SLC25A26: variants seen among roughly 807,000 people sequenced by gnomAD.
SLC25A26 encodes the protein mitochondrial S-adenosylmethionine carrier protein.
A neutral mutation model predicts 37.8 loss-of-function variants in SLC25A26; 36 were observed. The observed-to-expected ratio is 0.95, with a 90% CI of 0.73 to 1.26. The LOEUF is 1.26. Ranked by LOEUF, SLC25A26 falls within the 50% of genes most tolerant of loss-of-function variation. The pLI is 0.00. For synonymous variants in SLC25A26, 129 were observed against 122.5 expected (o/e 1.05, Z -0.35); for missense variants, 390 against 331.1 (o/e 1.18, Z -1.38).
chr3:66,323,796 A>T (rs2075761711), intron 5 of SLC25A26: 2 of 152,180 alleles, frequency 1.3e-5, no homozygotes, highest in African/African-American at 4.8e-5. Context: ...CTGAGTGACA[A>T]ACTGAGGCCC....
intron 1 of SLC25A26, among the ~76,000 whole-genome samples, chr3:66,162,469 T>A (rs146506459): frequency 6.6e-6 from 1 of 151,294 alleles, no homozygotes; most frequent in Non-Finnish European, 1.5e-5. Flanking sequence ...AAAGCACCCA[T>A]GTATCAAGGC....
At chr3:66,167,678 A>G (rs189528825) in intron 1 of SLC25A26, among the ~76,000 whole-genome samples, 1 of 152,342 alleles carries the variant, frequency 6.6e-6, no homozygotes, top group African/African-American at 2.4e-5. Flanking sequence ...CATGTCTCTA[A>G]GTGCTTAATA....
intron 1 of SLC25A26, among the ~76,000 whole-genome samples, chr3:66,150,456 C>G (rs1360711017): frequency 6.9e-6 from 1 of 145,410 alleles, no homozygotes; most frequent in Non-Finnish European, 1.5e-5. Context: ...TGAGATTACC[C>G]CAGTGCACTC....
At chr3:66,244,000 A>G (rs985187806) in intron 3 of SLC25A26, among the ~76,000 whole-genome samples, 1 of 152,024 alleles carries the variant, frequency 6.6e-6, no homozygotes, top group Non-Finnish European at 1.5e-5. Context: ...TTCTTCCCCA[A>G]CTTCACATCC....
chr3:66,263,772 C>T (rs933026286), intron 5 of SLC25A26, among the ~76,000 whole-genome samples: 6 of 152,140 alleles, frequency 3.9e-5, no homozygotes, highest in Middle Eastern at 3.2e-3. Flanking sequence ...CATTCTCCTG[C>T]GTCAGCCTCC....
In SLC25A26 at chr3:66,312,550, A is replaced by G. The variant is rs574097852; in HGVS notation, c.454-33814A>G. Among the ~76,000 whole-genome samples, 5 of 150,870 alleles carry G rather than the reference A, an allele frequency of 3.3e-5. No individual in the cohort carries two copies. In the East Asian group the frequency reaches 9.8e-4, roughly 29 times the overall value. ...GGTACGAAGAAAAAAAAGAAACAAC[A>G]GAAAAAAAAAAACTCCTGCACCTAG... is the stretch of plus-strand genomic sequence containing the variant. On this transcript the variant is annotated intron_variant, in intron 5 of 9. Transcript: ENST00000354883.
At chr3:66,139,387 G>A (rs1022004940) in intron 1 of SLC25A26, among the ~76,000 whole-genome samples, 3 of 152,224 alleles carry the variant, frequency 2.0e-5, no homozygotes, top group South Asian at 2.1e-4. Flanking sequence ...AGAAAACAAT[G>A]CCTCCAATAA....
chr3:66,271,100 C>A (rs903999892), intron 5 of SLC25A26, among the ~76,000 whole-genome samples: 3 of 152,114 alleles, frequency 2.0e-5, no homozygotes, highest in African/African-American at 7.2e-5. Context: ...TCTGTTAATT[C>A]TTTATTTAAA....
chr3:66,137,967 G>A (rs1357615834), intron 1 of SLC25A26, among the ~76,000 whole-genome samples: 13 of 152,092 alleles, frequency 8.5e-5, no homozygotes, highest in Admixed American at 7.9e-4. Flanking sequence ...CAGAGCAGCT[G>A]GGATTACAGG....
At chr3:66,239,840 T>A (rs544154268) in intron 2 of SLC25A26, among the ~76,000 whole-genome samples, 113 of 138,350 alleles carry the variant, frequency 8.2e-4, no homozygotes, top group South Asian at 3.0e-3. Context: ...TTTTTTTTTT[T>A]AACAGTGGAT....
chr3:66,265,290 G>A (rs559784038), intron 5 of SLC25A26, among the ~76,000 whole-genome samples: 1 of 152,230 alleles, frequency 6.6e-6, no homozygotes, highest in South Asian at 2.1e-4. Context: ...CTGGGTGACA[G>A]AGAGACCCTG....
chr3:66,137,978 C>T (rs1011565505), intron 1 of SLC25A26, among the ~76,000 whole-genome samples: 32 of 152,160 alleles, frequency 2.1e-4, no homozygotes, highest in Admixed American at 7.9e-4. Context: ...GGATTACAGG[C>T]GTGCATTACC....
At chr3:66,165,779 T>C (rs2070416924) in intron 1 of SLC25A26, among the ~76,000 whole-genome samples, 1 of 151,976 alleles carries the variant, frequency 6.6e-6, no homozygotes. Context: ...CCCCCATCAA[T>C]CTTGAAAAAC....
rs555706762 is a variant in SLC25A26 at position 66,286,669 on chromosome 3, C to T, written c.453+23290C>T. Among the ~76,000 whole-genome samples the T allele has an allele frequency of 4.6e-5, 7 of 152,130 alleles. No homozygotes were observed. The South Asian group carries it at 1.0e-3, about 23-fold the overall frequency. On this transcript the variant is annotated intron_variant, in intron 5 of 9. Transcript: ENST00000354883. ...TTTGATTTTCTGAGACCTTTCCCTT[C>T]GTTTTTTAATTTAATTTTCTTTTTC...
intron 7 of SLC25A26, among the ~76,000 whole-genome samples, chr3:66,365,951 C>A (rs1263724249): frequency 6.6e-6 from 1 of 152,156 alleles, no homozygotes; most frequent in Admixed American, 6.5e-5. Context: ...ACATTCTCAG[C>A]CACTGCTTAG....
intron 1 of SLC25A26, among the ~76,000 whole-genome samples, chr3:66,206,225 G>A (rs1451561530): frequency 2.0e-5 from 3 of 152,272 alleles, no homozygotes; most frequent in Admixed American, 6.5e-5. Flanking sequence ...ATAACTGTAC[G>A]TCAATGCAGG....
intron 1 of SLC25A26, among the ~76,000 whole-genome samples, chr3:66,191,979 T>G (rs1353747736): frequency 6.6e-6 from 1 of 151,850 alleles, no homozygotes; most frequent in Non-Finnish European, 1.5e-5. Flanking sequence ...CTCTAGGTCC[T>G]GAAAGTGGAG....
intron 1 of SLC25A26, among the ~76,000 whole-genome samples, chr3:66,181,443 T>C (rs2070704010): frequency 1.3e-5 from 2 of 152,222 alleles, no homozygotes; most frequent in East Asian, 3.8e-4. Flanking sequence ...ACAGAGCATG[T>C]CGTAGTTACT....
intron 2 of SLC25A26, 91 bp from the exon 3 acceptor site, chr3:66,243,112 A>G: frequency 1.5e-6 from 1 of 660,340 alleles, no homozygotes; most frequent in Non-Finnish European, 2.7e-6. Context: ...ATAATTTAAT[A>G]ATTATTGTCA....
Sources: gnomAD v4.1 joint callset for allele counts (sites outside exome capture counted in the v4.1 genomes callset) on GRCh38, gnomAD v4.1.1 for gene constraint, MANE v1.5 for transcripts, NCBI Gene and HGNC (gene_info 2026-07-23, HGNC 2026-07-21) for gene names.